Variants in GPR35 observed in about 807,000 individuals in gnomAD.
GPR35 encodes the protein G protein-coupled receptor 35, also known as KYNA receptor.
For synonymous variants in GPR35, 207 were observed against 198.4 expected (o/e 1.04, Z -0.36); for missense variants, 372 against 422.5 (o/e 0.88, Z 1.05).
intron 1 of GPR35, among the ~76,000 whole-genome samples, chr2:240,605,982 C>T (rs2043131361): frequency 6.6e-6 from 1 of 152,124 alleles, no homozygotes; most frequent in African/African-American, 2.4e-5. Context: ...CTCCGGAGCT[C>T]TCGGCTCTCT....
intron 1 of GPR35, among the ~76,000 whole-genome samples, chr2:240,605,860 A>G (rs1296944062): frequency 1.3e-5 from 2 of 152,102 alleles, no homozygotes; most frequent in East Asian, 1.9e-4. Context: ...TCCTGGGGAT[A>G]ATTTGGGGCC....
chr2:240,632,904 T>A lies in GPR35; in HGVS notation c.*2022T>A, dbSNP rs1300466391. The stretch of plus-strand genomic sequence containing the variant: ...ATCCCTATAATAACCATAGTCCCCA[T>A]GTGTCAAGGGAGAGACCAGGTGGAG... On this transcript the variant is annotated 3_prime_UTR_variant, in exon 2 of 2. Transcript: ENST00000407714. Among the ~76,000 whole-genome samples, 7 of 152,226 alleles carry A rather than the reference T, an allele frequency of 4.6e-5. No individual in the cohort carries two copies. Among genetic ancestry groups the A allele is most frequent in the Non-Finnish European group, 8.8e-5 (6 of 68,036 alleles).
At chr2:240,611,515 T>A (rs1171321404) in intron 2 of GPR35, among the ~76,000 whole-genome samples, 7 of 152,244 alleles carry the variant, frequency 4.6e-5, no homozygotes, top group Non-Finnish European at 1.5e-5. Context: ...GGGTTTATGA[T>A]ATGCATATTT....
At position 240,632,607 on chromosome 2, in the gene GPR35, C is replaced by T. The variant is rs2043461846; in HGVS notation, c.*1725C>T. 6.7e-6 allele frequency among the ~76,000 whole-genome samples: 1 copy of T among 149,742 alleles called. No homozygotes were observed. The highest frequency in any genetic ancestry group is 1.5e-5 in the Non-Finnish European group (1 of 67,530). On this transcript the variant is annotated 3_prime_UTR_variant, in exon 2 of 2. Transcript: ENST00000407714. Reference sequence around the variant, plus strand: ...AGGTCCATGCCTAGGAGGGCCCATACACAACAGAGCCCTGTGCCCAGGAAG... The same window carrying T: ...AGGTCCATGCCTAGGAGGGCCCATATACAACAGAGCCCTGTGCCCAGGAAG...
intron 2 of GPR35, chr2:240,607,472 G>A (rs1350540695): frequency 6.6e-6 from 1 of 152,134 alleles, no homozygotes; most frequent in African/African-American, 2.4e-5. Context: ...ATTATAGGCT[G>A]GGGCCACTGT....
upstream of GPR35, among the ~76,000 whole-genome samples, chr2:240,623,481 C>CACAAACAGGTCGTGAGGGT (rs2043330561): frequency 4.3e-5 from 2 of 46,444 alleles, no homozygotes; most frequent in Non-Finnish European, 9.7e-5. Context: ...GTCGTGAGGG[C>CACAAACAGGTCGTGAGGGT]GCAAACAGGT....
rs545568185 is a variant in GPR35, at chr2:240,613,487, C to T, written c.-576-2901C>T. On this transcript the variant is annotated intron_variant, in intron 2 of 5. Coordinates refer to the GPR35 transcript ENST00000319838. ...TAATGCTAATCATAAACCTAAACCT[C>T]GTGTGGCCTGGAACCCTAACCTGAA... Among the ~76,000 whole-genome samples the T allele has an allele frequency of 5.9e-5, 9 of 152,144 alleles. No homozygotes were observed. The South Asian group carries it at 1.5e-3, about 25-fold the overall frequency.
intron 2 of GPR35, among the ~76,000 whole-genome samples, chr2:240,615,926 T>C (rs933548623): frequency 6.6e-5 from 10 of 152,338 alleles, no homozygotes; most frequent in African/African-American, 2.4e-4. Flanking sequence ...TTTGGTTGAA[T>C]TGGATCTGAG....
chr2:240,620,767 A>G (rs2043284907), upstream of GPR35, among the ~76,000 whole-genome samples: 2 of 152,120 alleles, frequency 1.3e-5, no homozygotes, highest in South Asian at 4.1e-4. Flanking sequence ...GCCACCCCCC[A>G]GGACCCCTGC....
intron 2 of GPR35, among the ~76,000 whole-genome samples, chr2:240,610,869 C>T (rs958228083): frequency 6.6e-6 from 1 of 151,582 alleles, no homozygotes; most frequent in East Asian, 1.9e-4. Flanking sequence ...CTCCTGACCT[C>T]GTGATCTGCC....
rs552692498 is a variant in GPR35 at position 240,631,119 on chromosome 2, G to A, written c.*237G>A. ...AGCAAGGCCAATGTCAGAGACCCCC[G>A]GGATGGGGCCTCACACTTGCCACCC... On this transcript the variant is annotated 3_prime_UTR_variant, in exon 2 of 2. Coordinates refer to ENST00000407714, the MANE Select transcript of GPR35 (RefSeq NM_005301.5). 28 of 569,858 alleles carry A rather than the reference G, an allele frequency of 4.9e-5. No homozygotes were observed. The highest frequency in any genetic ancestry group is 3.9e-4 in the African/African-American group (21 of 53,348). 35.3% of individuals were successfully genotyped at this position (569,858 alleles called of 1,614,324 possible).
chr2:240,613,650 CT>C (rs1160062534), intron 2 of GPR35, among the ~76,000 whole-genome samples: 1 of 152,048 alleles, frequency 6.6e-6, no homozygotes, highest in African/African-American at 2.4e-5. Context: ...AACCCTAACC[CT>C]AACTCAATTC....
chr2:240,625,417 C>G (rs1224125610), upstream of GPR35: 1 of 985,358 alleles, frequency 1.0e-6, no homozygotes, highest in Non-Finnish European at 1.2e-6. Context: ...AGCCGCCCGC[C>G]CCCCCACCTT....
exon 5 of GPR35, chr2:240,619,020 T>A (rs2043265890): frequency 1.4e-6 from 1 of 702,668 alleles, no homozygotes; most frequent in Non-Finnish European, 2.6e-6. Context: ...TTCATAGTCC[T>A]TGCGTCTCTC....
At chr2:240,616,592 T>C in intron 3 of GPR35, 1 of 718,764 alleles carries the variant, frequency 1.4e-6, no homozygotes. Flanking sequence ...TATCTGGTGG[T>C]CTCTTTGTGA....
intron 5 of GPR35, chr2:240,619,120 G>T: frequency 3.0e-6 from 2 of 656,134 alleles, no homozygotes; most frequent in Non-Finnish European, 5.6e-6. Context: ...CCACCTGCCT[G>T]GGGGTTTGTG....
chr2:240,617,224 T>C (rs954686312), exon 4 of GPR35: 1 of 644,440 alleles, frequency 1.6e-6, no homozygotes, highest in African/African-American at 1.8e-5. Context: ...GAGCTGGAAG[T>C]GAATCTCCTC....
At chr2:240,623,367 C>CAAACAGGTCGTGAGGGT (rs1559437563), upstream of GPR35, among the ~76,000 whole-genome samples, 2 of 81,906 alleles carry the variant, frequency 2.4e-5, no homozygotes, top group South Asian at 4.6e-4. Flanking sequence ...GTCGTGAGGG[C>CAAACAGGTCGTGAGGGT]GCAAACAGGT....
At position 240,630,296 on chromosome 2, in the gene GPR35, A is replaced by G. The variant is rs1411018314; in HGVS notation, c.344A>G (p.Tyr115Cys). 1.9e-6 allele frequency: 3 copies of G among 1,575,620 alleles called. No individual in the cohort carries two copies. Among genetic ancestry groups the G allele is most frequent in the Admixed American group, 1.7e-5 (1 of 58,542 alleles). Residue 115 changes from tyrosine (Y) to cysteine (C), a missense_variant, in exon 2 of 2, where the codon TAT becomes TGT. Physicochemically the swap from Tyr to Cys is radical, Grantham distance 194 (BLOSUM62 -2). Coordinates refer to ENST00000407714, the MANE Select transcript of GPR35 (RefSeq NM_005301.5). ...GTCACGGCCATCGCCGTGGACCGCT[A>G]TGTGGCCGTGCGGCACCCGCTGCGT... ...SLVTAIAVDR[Y>C]VAVRHPLRAR... is the part of the protein sequence containing the mutation.
Sources: allele counts gnomAD v4.1 joint callset (sites outside exome capture counted in the v4.1 genomes callset), GRCh38; gene constraint gnomAD v4.1.1; transcripts MANE v1.5; gene names NCBI Gene and HGNC (gene_info 2026-07-23, HGNC 2026-07-21).